The following KIAA0825 variants were observed in gnomAD, a reference collection of about 807,000 sequenced individuals.
KIAA0825 encodes the protein uncharacterized protein KIAA0825.
In KIAA0825, 119 loss-of-function variants were observed where a neutral mutation model predicts 147.6. The ratio of observed to expected loss-of-function variants is 0.81; its 90% CI spans 0.69 to 0.94. The LOEUF is 0.94. Among genes scored for constraint, KIAA0825 ranks in the 40% least tolerant of loss-of-function variants. The pLI is 0.00. For synonymous variants in KIAA0825, 470 were observed against 518.1 expected, an observed-to-expected ratio of 0.91 and a Z score of 1.26; for missense variants, 1,381 against 1,472.7, an observed-to-expected ratio of 0.94 and a Z score of 1.02.
At chr5:94,187,065 T>G (rs952206660) in intron 20 of KIAA0825, among the ~76,000 whole-genome samples, 2 of 152,042 alleles carry the variant, frequency 1.3e-5, no homozygotes, top group African/African-American at 4.8e-5. Context: ...TGATAGTGAA[T>G]AAAGGCAAGT....
intron 20 of KIAA0825, among the ~76,000 whole-genome samples, chr5:94,338,343 T>C (rs1169841510): frequency 1.3e-5 from 2 of 151,394 alleles, no homozygotes; most frequent in Non-Finnish European, 2.9e-5. Context: ...AAGAATCCTT[T>C]TTTAAGTAAA....
intron 5 of KIAA0825, among the ~76,000 whole-genome samples, chr5:94,508,527 T>C (rs1041591856): frequency 2.0e-5 from 3 of 151,398 alleles, no homozygotes; most frequent in African/African-American, 7.3e-5. Flanking sequence ...TGTTTTAGAA[T>C]ATGAAAAAAA....
intron 20 of KIAA0825, among the ~76,000 whole-genome samples, chr5:94,192,755 A>T (rs1487856816): frequency 2.0e-5 from 3 of 152,190 alleles, no homozygotes; most frequent in Non-Finnish European, 2.9e-5. Flanking sequence ...AATTGGGTAT[A>T]GAATCTAGCC....
At chr5:94,597,212 A>G (rs1785464394) in intron 1 of KIAA0825, among the ~76,000 whole-genome samples, 1 of 151,982 alleles carries the variant, frequency 6.6e-6, no homozygotes, top group Admixed American at 6.6e-5. Flanking sequence ...TTGGCTGAGA[A>G]TACACATTTT....
intron 20 of KIAA0825, among the ~76,000 whole-genome samples, chr5:94,279,458 A>G (rs1302886738): frequency 1.3e-5 from 2 of 152,092 alleles, no homozygotes; most frequent in African/African-American, 4.8e-5. Flanking sequence ...TTTAAATGGA[A>G]TATTATAATG....
At chr5:94,219,082 G>A (rs916070215) in intron 20 of KIAA0825, among the ~76,000 whole-genome samples, 1 of 152,132 alleles carries the variant, frequency 6.6e-6, no homozygotes, top group Non-Finnish European at 1.5e-5. Flanking sequence ...TTTTTCCACA[G>A]ATGGGGGCGG....
intron 20 of KIAA0825, among the ~76,000 whole-genome samples, chr5:94,267,877 ATTCATTAGGACCC>A (rs1311128513): frequency 6.6e-6 from 1 of 152,094 alleles, no homozygotes; most frequent in Admixed American, 6.6e-5. Flanking sequence ...TGCAGGTAAC[ATTCATTAGGACCC>A]ACAATTAGGC....
Position 94,358,608 on chromosome 5 carries a change from G to A in KIAA0825, c.3710+25760C>T, listed in dbSNP as rs149909546. Among the ~76,000 whole-genome samples the A allele has an allele frequency of 2.8e-3, 414 of 149,796 alleles. 1 individual carries two copies. Among genetic ancestry groups the A allele is most frequent in the Middle Eastern group, 0.014 (4 of 284 alleles). On this transcript the variant is annotated intron_variant, in intron 20 of 20. Coordinates refer to ENST00000682413, the MANE Select transcript of KIAA0825 (RefSeq NM_001145678.3). ...GGGCAAAGTTTAGCTATATTTAAGC[G>A]GCAGAAAGAATCACAAAACTCTAAG... is the stretch of plus-strand genomic sequence containing the variant.
At chr5:94,594,241 T>C (rs1784861777) in intron 1 of KIAA0825, 4 of 606,566 alleles carry the variant, frequency 6.6e-6, no homozygotes, top group Admixed American at 1.9e-5. Flanking sequence ...TTTTGTCTTA[T>C]GGAACTAAAT....
intron 3 of KIAA0825, among the ~76,000 whole-genome samples, chr5:94,527,815 AC>A (rs1769648555): frequency 6.6e-6 from 1 of 152,140 alleles, no homozygotes; most frequent in Non-Finnish European, 1.5e-5. Context: ...TATTTATCTA[AC>A]TAGATTACTA....
intron 8 of KIAA0825, among the ~76,000 whole-genome samples, chr5:94,472,463 C>T (rs1761324043): frequency 6.6e-6 from 1 of 152,086 alleles, no homozygotes; most frequent in Non-Finnish European, 1.5e-5. Context: ...ATATCCCAAT[C>T]GGCCGGGCGC....
intron 5 of KIAA0825, among the ~76,000 whole-genome samples, chr5:94,498,385 G>A (rs979446618): frequency 2.0e-5 from 3 of 152,160 alleles, no homozygotes; most frequent in African/African-American, 7.2e-5. Flanking sequence ...ACTGCCAGGA[G>A]CCATGTACCC....
chr5:94,428,720 A>G (rs566582439), intron 14 of KIAA0825, among the ~76,000 whole-genome samples: 1 of 152,116 alleles, frequency 6.6e-6, no homozygotes, highest in East Asian at 1.9e-4. Context: ...TCTGGTGACC[A>G]TATTACTTAG....
chr5:94,240,356 A>G (rs1385781971), intron 20 of KIAA0825, among the ~76,000 whole-genome samples: 1 of 152,184 alleles, frequency 6.6e-6, no homozygotes, highest in Admixed American at 6.5e-5. Context: ...TGCTGTACCT[A>G]TTTATTATTC....
intron 1 of KIAA0825, among the ~76,000 whole-genome samples, chr5:94,613,490 C>A (rs148685453): frequency 1.4e-4 from 21 of 152,254 alleles, no homozygotes; most frequent in African/African-American, 4.8e-4. Context: ...TGAGTCACTG[C>A]GCCGGCCAAT....
chr5:94,244,488 A>G (rs1281906351), intron 20 of KIAA0825, among the ~76,000 whole-genome samples: 1 of 152,062 alleles, frequency 6.6e-6, no homozygotes, highest in Non-Finnish European at 1.5e-5. Flanking sequence ...GTGCACCACC[A>G]TGCCTGGCTA....
intron 20 of KIAA0825, among the ~76,000 whole-genome samples, chr5:94,247,701 C>T (rs181005311): frequency 6.6e-6 from 1 of 152,164 alleles, no homozygotes; most frequent in Admixed American, 6.5e-5. Flanking sequence ...ATTTCCAGTG[C>T]TAGTGTAAAG....
chr5:94,489,247 A>G (rs1262503328), intron 5 of KIAA0825, among the ~76,000 whole-genome samples: 4 of 152,224 alleles, frequency 2.6e-5, no homozygotes, highest in African/African-American at 9.7e-5. Flanking sequence ...AAGGCTAAAC[A>G]GAACCACCCG....
chr5:94,492,132 G>A (rs1289701124), intron 5 of KIAA0825, among the ~76,000 whole-genome samples: 2 of 152,104 alleles, frequency 1.3e-5, no homozygotes, highest in Non-Finnish European at 2.9e-5. Flanking sequence ...TTCTGGTGTC[G>A]CCATCCCACC....
Sources: allele counts gnomAD v4.1 joint callset (sites outside exome capture counted in the v4.1 genomes callset), GRCh38; gene constraint gnomAD v4.1.1; transcripts MANE v1.5; gene names NCBI Gene and HGNC (gene_info 2026-07-23, HGNC 2026-07-21).